The following DGKG variants were observed in gnomAD, a reference collection of about 807,000 sequenced individuals.
The protein encoded by DGKG is diacylglycerol kinase gamma, also known as DAG kinase gamma.
Under a neutral mutation model 105.3 loss-of-function variants are expected in DGKG, and 78 were observed. The observed-to-expected ratio is 0.74, with a 90% CI of 0.62 to 0.89. DGKG has a LOEUF of 0.89. DGKG is among the 40% of genes least tolerant of loss of function. The pLI is 0.00. For synonymous variants in DGKG, 346 were observed against 367.1 expected (o/e 0.94, Z 0.66); for missense variants, 958 against 1,020.1 (o/e 0.94, Z 0.83).
intron 15 of DGKG, 69 bp from the exon 16 acceptor site, chr3:186,260,582 C>T (rs1721722404): frequency 8.1e-7 from 1 of 1,240,422 alleles, no homozygotes; most frequent in African/African-American, 1.5e-5. Context: ...TGAGAAGTCA[C>T]ATTAGGGCAA....
At chr3:186,338,989 A>G (rs906554102) in intron 1 of DGKG, among the ~76,000 whole-genome samples, 4 of 152,212 alleles carry the variant, frequency 2.6e-5, no homozygotes, top group African/African-American at 9.6e-5. Context: ...GTATCTGTGA[A>G]CGATGCATGA....
At chr3:186,274,925 A>G (rs1722507413) in intron 10 of DGKG, among the ~76,000 whole-genome samples, 1 of 152,132 alleles carries the variant, frequency 6.6e-6, no homozygotes, top group Admixed American at 6.6e-5. Context: ...GCTGGGTCAA[A>G]TGGTATTTCT....
chr3:186,171,379 T>C (rs1020401250), intron 22 of DGKG, among the ~76,000 whole-genome samples: 2 of 152,172 alleles, frequency 1.3e-5, no homozygotes, highest in Admixed American at 6.5e-5. Context: ...ATAATAACTA[T>C]AGTTGTCTGC....
chr3:186,324,255 G>A (rs762730240), intron 1 of DGKG, among the ~76,000 whole-genome samples: 17 of 152,158 alleles, frequency 1.1e-4, no homozygotes, highest in Middle Eastern at 3.4e-3. Context: ...TTTGAATCTG[G>A]GCTCTGCCCT....
chr3:186,274,380 A>T (rs1353407790), intron 10 of DGKG, among the ~76,000 whole-genome samples: 3 of 151,162 alleles, frequency 2.0e-5, no homozygotes, highest in Non-Finnish European at 4.4e-5. Context: ...TTTATTTTTT[A>T]TTTTTTTATT....
chr3:186,213,894 G>C (rs1424549343), intron 20 of DGKG, among the ~76,000 whole-genome samples: 1 of 152,224 alleles, frequency 6.6e-6, no homozygotes, highest in Non-Finnish European at 1.5e-5. Flanking sequence ...ACGAGGGTCA[G>C]TGCCTTTCCA....
At position 186,346,755 on chromosome 3, in the gene DGKG, G is replaced by A. The variant is rs536429903; in HGVS notation, c.-249+15191C>T. ...AATGTATCATAATTTTTTTACGATG[G>A]GATCAAAATATCTCAATATTTCATA... On this transcript the variant is annotated intron_variant, in intron 1 of 24. Coordinates refer to ENST00000265022, the MANE Select transcript of DGKG (RefSeq NM_001346.3). Among the ~76,000 whole-genome samples, 3 of 151,882 alleles carry A rather than the reference G, an allele frequency of 2.0e-5. No individual in the cohort carries two copies. In the South Asian group the frequency reaches 6.2e-4, roughly 32 times the overall value.
At chr3:186,303,788 C>T (rs1724089589) in intron 3 of DGKG, among the ~76,000 whole-genome samples, 1 of 152,188 alleles carries the variant, frequency 6.6e-6, no homozygotes, top group Non-Finnish European at 1.5e-5. Context: ...TCATCACGGC[C>T]AGATGCAGCT....
At chr3:186,151,836 C>T (rs57306814) in intron 24 of DGKG, among the ~76,000 whole-genome samples, 3 of 151,822 alleles carry the variant, frequency 2.0e-5, no homozygotes, top group Non-Finnish European at 2.9e-5. Flanking sequence ...CCCAGCACTT[C>T]GGGAGGCTGA....
intron 23 of DGKG, among the ~76,000 whole-genome samples, chr3:186,164,479 C>G (rs920924764): frequency 6.6e-6 from 1 of 152,330 alleles, no homozygotes; most frequent in Middle Eastern, 3.4e-3. Context: ...TAGTGTTTCT[C>G]AGGTCACTGT....
At chr3:186,199,826 T>C (rs569074422) in intron 21 of DGKG, among the ~76,000 whole-genome samples, 89 of 152,280 alleles carry the variant, frequency 5.8e-4, no homozygotes, top group African/African-American at 2.0e-3. Flanking sequence ...GTATTTCCAT[T>C]TTTACAGATG....
At chr3:186,194,712 CCCTTTCT>C (rs1718087617) in intron 21 of DGKG, among the ~76,000 whole-genome samples, 1 of 150,398 alleles carries the variant, frequency 6.6e-6, no homozygotes, top group Non-Finnish European at 1.5e-5. Flanking sequence ...GGCATGTGTC[CCCTTTCT>C]GCTGGGAATT....
intron 20 of DGKG, among the ~76,000 whole-genome samples, chr3:186,222,963 AAAAC>A (rs1382278959): frequency 7.2e-4 from 100 of 138,272 alleles, no homozygotes; most frequent in Middle Eastern, 3.8e-3. Flanking sequence ...CTGTCTCAGG[AAAAC>A]AAACAAACAA....
intron 20 of DGKG, among the ~76,000 whole-genome samples, chr3:186,215,415 A>G (rs1411996933): frequency 2.7e-5 from 4 of 150,038 alleles, no homozygotes; most frequent in Admixed American, 2.7e-4. Flanking sequence ...CCATCTCCAA[A>G]AAAAAAAAAA....
chr3:186,148,385 C>T lies in DGKG; in HGVS notation c.*1705G>A, dbSNP rs1253931213. 1.0e-6 allele frequency: 1 copy of T among 985,394 alleles called. No individual in the cohort carries two copies. Among genetic ancestry groups the T allele is most frequent in the Non-Finnish European group, 1.2e-6 (1 of 829,922 alleles). 61.0% of individuals were successfully genotyped at this position (985,394 alleles called of 1,614,324 possible). A position where few individuals can be genotyped will look rare whatever the true frequency, so the allele number is the denominator to read the frequency against. Reference sequence around the variant, plus strand: ...CATGTGGAGAGTTCAGTCTGATGATCTGTTTAGTACCTTCGATCTCAGACC... The same window carrying T: ...CATGTGGAGAGTTCAGTCTGATGATTTGTTTAGTACCTTCGATCTCAGACC... On this transcript the variant is annotated 3_prime_UTR_variant, in exon 25 of 25. Coordinates refer to ENST00000265022, the MANE Select transcript of DGKG (RefSeq NM_001346.3).
At chr3:186,275,464 A>G (rs1722533772) in intron 10 of DGKG, 83 bp downstream of exon 10, 18 of 1,216,780 alleles carry the variant, frequency 1.5e-5, no homozygotes, top group Non-Finnish European at 2.2e-5. Context: ...AGAAATACCA[A>G]CATTTTCTCT....
intron 6 of DGKG, among the ~76,000 whole-genome samples, chr3:186,285,684 T>C (rs74432276): frequency 1.1e-4 from 17 of 150,270 alleles, no homozygotes; most frequent in Middle Eastern, 3.4e-3. Flanking sequence ...TCTTTCTTTT[T>C]TTTTTTTTTT....
chr3:186,302,966 C>T (rs1404864435), intron 3 of DGKG, among the ~76,000 whole-genome samples: 1 of 152,126 alleles, frequency 6.6e-6, no homozygotes, highest in Non-Finnish European at 1.5e-5. Context: ...CTTCTGATGC[C>T]TCCGAGGCTC....
intron 2 of DGKG, among the ~76,000 whole-genome samples, chr3:186,316,855 G>T (rs1368328247): frequency 6.6e-6 from 1 of 152,192 alleles, no homozygotes; most frequent in Non-Finnish European, 1.5e-5. Flanking sequence ...CGGAAGAGTG[G>T]TTGCTATGGC....
Sources: allele counts gnomAD v4.1 joint callset (sites outside exome capture counted in the v4.1 genomes callset), GRCh38; gene constraint gnomAD v4.1.1; transcripts MANE v1.5; gene names NCBI Gene and HGNC (gene_info 2026-07-23, HGNC 2026-07-21).